Variants in MFSD11 observed in about 807,000 individuals in gnomAD.
The protein encoded by MFSD11 is UNC93-like protein MFSD11.
In MFSD11, 36 loss-of-function variants were observed where a neutral mutation model predicts 53.5. The ratio of observed to expected loss-of-function variants is 0.67; its 90% CI spans 0.52 to 0.89. The LOEUF is 0.89. Among genes scored for constraint, MFSD11 ranks in the 40% least tolerant of loss-of-function variants. The probability of loss-of-function intolerance (pLI) is 0.00; values close to 1 mark genes in which losing one functional copy is unlikely to be tolerated. For missense variants in MFSD11, 530 were observed against 543.9 expected (o/e 0.97, Z 0.25); for synonymous variants, 186 against 184.9 (o/e 1.01, Z -0.05).
intron 8 of MFSD11, among the ~76,000 whole-genome samples, chr17:76,757,556 G>T (rs1242694902): frequency 1.3e-5 from 2 of 152,168 alleles, no homozygotes; most frequent in African/African-American, 2.4e-5. Flanking sequence ...TACAGAGAAG[G>T]TTCCTACATA....
At chr17:76,795,927 A>G in the MFSD11 span, among the ~76,000 whole-genome samples, 3 of 150,736 alleles carry the variant, frequency 2.0e-5, no homozygotes, top group Non-Finnish European at 4.4e-5. Flanking sequence ...AGACTCCCAG[A>G]GTGCTGGGAT....
chr17:76,785,107 A>G (rs1224607794), downstream of MFSD11, among the ~76,000 whole-genome samples: 2 of 152,260 alleles, frequency 1.3e-5, no homozygotes, highest in Non-Finnish European at 2.9e-5. Context: ...ATGTACGTCT[A>G]TACAATGAAG....
At chr17:76,766,131 A>T (rs1479815055) in intron 8 of MFSD11, among the ~76,000 whole-genome samples, 1 of 151,368 alleles carries the variant, frequency 6.6e-6, no homozygotes, top group Admixed American at 6.6e-5. Context: ...TAAAATGAAC[A>T]TGTGGCCAGG....
At chr17:76,800,360 A>G in the MFSD11 span, among the ~76,000 whole-genome samples, 14 of 152,286 alleles carry the variant, frequency 9.2e-5, no homozygotes, top group African/African-American at 3.4e-4. Flanking sequence ...AAAAGTCCAA[A>G]AGCTGGCTTA....
chr17:76,739,813 A>G (rs527431931), intron 2 of MFSD11, among the ~76,000 whole-genome samples: 3 of 152,236 alleles, frequency 2.0e-5, no homozygotes, highest in East Asian at 1.9e-4. Flanking sequence ...GTTACTGTTC[A>G]TTTTTGTAAG....
intron 8 of MFSD11, among the ~76,000 whole-genome samples, chr17:76,757,088 T>C (rs1400541673): frequency 1.3e-5 from 2 of 152,244 alleles, no homozygotes; most frequent in East Asian, 3.9e-4. Context: ...ACCTGGCTTA[T>C]GGGATGGTGT....
At chr17:76,769,972 T>C in intron 10 of MFSD11, 101 bp downstream of exon 10, 1 of 1,097,142 alleles carries the variant, frequency 9.1e-7, no homozygotes, top group Non-Finnish European at 1.3e-6. Flanking sequence ...ATTTCTGTTT[T>C]TTCTACTTAT....
At position 76,741,004 on chromosome 17, in the gene MFSD11, C is replaced by A; in HGVS notation, c.200C>A (p.Pro67Gln). The A allele has an allele frequency of 2.5e-6, 4 of 1,612,876 alleles. No individual in the cohort carries two copies. The highest frequency in any genetic ancestry group is 3.4e-6 in the Non-Finnish European group (4 of 1,179,558). ...TTCTCTGCTTCAAATTTGATTACAC[C>A]GTCAGTGGTTGCCATTGTAGGACCT... ...GVFSASNLIT[P>Q]SVVAIVGPQL... is the part of the protein sequence containing the mutation. The change falls in exon 3 of 13, where the codon CCG becomes CAG. Residue 67 changes from proline to glutamine, a missense_variant. Coordinates refer to ENST00000685175, the MANE Select transcript of MFSD11 (RefSeq NM_001242532.5).
At chr17:76,784,009 T>G (rs115378251), downstream of MFSD11, among the ~76,000 whole-genome samples, 695 of 151,786 alleles carry the variant, frequency 4.6e-3, 9 homozygotes, top group African/African-American at 0.015. Context: ...GTGGAGAAAT[T>G]GAAACCCTTG....
At chr17:76,769,723 C>G in intron 9 of MFSD11, 23 bp from the exon 10 acceptor site, 2 of 1,555,750 alleles carry the variant, frequency 1.3e-6, no homozygotes, top group Non-Finnish European at 1.7e-6. Flanking sequence ...TAAATGACAT[C>G]TGTTTTTTTT....
In MFSD11 at chr17:76,754,144, C is replaced by T. The variant is rs372448461; in HGVS notation, c.682+57C>T. ...CTGTTCAGGAACAACTCGGCATTTG[C>T]CTTTCCCCTATTCCCTGGTAACTTT... is the stretch of plus-strand genomic sequence containing the variant. On this transcript the variant is annotated intron_variant, in intron 8 of 12. Coordinates refer to ENST00000685175, the MANE Select transcript of MFSD11 (RefSeq NM_001242532.5). 69 of 1,433,610 alleles carry T rather than the reference C, an allele frequency of 4.8e-5. 1 individual carries two copies. Among genetic ancestry groups the T allele is most frequent in the Non-Finnish European group, 6.6e-5 (68 of 1,022,662 alleles). The allele number at this position is 1,433,610 out of a possible 1,614,324, so 88.8% of individuals were successfully genotyped here.
At chr17:76,786,235 C>T (rs1278341646), downstream of MFSD11, among the ~76,000 whole-genome samples, 3 of 145,328 alleles carry the variant, frequency 2.1e-5, no homozygotes, top group African/African-American at 7.6e-5. Context: ...ACCTCTGCCT[C>T]CTGGGTTCAA....
chr17:76,746,869 T>C (rs910614989), intron 7 of MFSD11, among the ~76,000 whole-genome samples: 1 of 152,156 alleles, frequency 6.6e-6, no homozygotes, highest in Non-Finnish European at 1.5e-5. Context: ...TCATGCCTTC[T>C]AACAACATGT....
chr17:76,770,844 G>A (rs1438051465), intron 10 of MFSD11, among the ~76,000 whole-genome samples: 2 of 152,174 alleles, frequency 1.3e-5, no homozygotes, highest in African/African-American at 4.8e-5. Flanking sequence ...TGGATTTTGG[G>A]CTCACCACTC....
chr17:76,755,360 T>C (rs1230482927), intron 8 of MFSD11, among the ~76,000 whole-genome samples: 1 of 152,218 alleles, frequency 6.6e-6, no homozygotes, highest in African/African-American at 2.4e-5. Flanking sequence ...AGCTTCTTTG[T>C]CTTCTCAGGA....
rs1227843923 is a variant in MFSD11, at chr17:76,740,947, A to G, written c.153-10A>G. On this transcript the variant is annotated splice_polypyrimidine_tract_variant and intron_variant, in intron 2 of 12. Coordinates refer to ENST00000685175, the MANE Select transcript of MFSD11 (RefSeq NM_001242532.5). ...TTTTTTTTTTTTCCGTTTGTGTATT[A>G]TGTGTGCAGCATGGCTATTATCTAT... is the stretch of plus-strand genomic sequence containing the variant. 4 of 1,294,546 alleles carry G rather than the reference A, an allele frequency of 3.1e-6. No individual in the cohort carries two copies. The South Asian group carries it at 3.9e-5, about 12-fold the overall frequency. 80.2% of individuals were successfully genotyped at this position (1,294,546 alleles called of 1,614,324 possible).
In MFSD11 at chr17:76,744,432, G is replaced by A; in HGVS notation, c.607G>A (p.Glu203Lys). The change falls in exon 7 of 13, where the codon GAG becomes AAG. Residue 203 changes from glutamate to lysine, a missense_variant. Physicochemically the swap from Glu to Lys is moderately conservative, Grantham distance 56. Coordinates refer to ENST00000685175, the MANE Select transcript of MFSD11 (RefSeq NM_001242532.5). ...PDSENVLGED[E>K]SSDDQDMEVN... Reference sequence around the variant, plus strand: ...TTCTGAAAATGTCCTAGGAGAAGATGAGTCTTCTGATGACCAGGACATGGA... The same window carrying A: ...TTCTGAAAATGTCCTAGGAGAAGATAAGTCTTCTGATGACCAGGACATGGA... The A allele has an allele frequency of 6.2e-7, 1 of 1,613,356 alleles. No homozygotes were observed. The highest frequency in any genetic ancestry group is 8.5e-7 in the Non-Finnish European group (1 of 1,179,468).
intron 8 of MFSD11, among the ~76,000 whole-genome samples, chr17:76,762,172 A>G (rs2080324770): frequency 6.6e-6 from 1 of 152,106 alleles, no homozygotes; most frequent in African/African-American, 2.4e-5. Context: ...GTCTATAGAT[A>G]TGCTTATTCT....
At chr17:76,766,280 A>G (rs1307219341) in intron 8 of MFSD11, among the ~76,000 whole-genome samples, 1 of 151,692 alleles carries the variant, frequency 6.6e-6, no homozygotes, top group African/African-American at 2.4e-5. Context: ...TTAGCCGGGC[A>G]TGGTGGTATG....
Sources: gnomAD v4.1 joint callset for allele counts (sites outside exome capture counted in the v4.1 genomes callset) on GRCh38, gnomAD v4.1.1 for gene constraint, MANE v1.5 for transcripts, NCBI Gene and HGNC (gene_info 2026-07-23, HGNC 2026-07-21) for gene names.